Variants in SGSM1 observed in about 807,000 individuals in gnomAD.
SGSM1 encodes the protein small G protein signaling modulator 1.
A neutral mutation model predicts 133.8 loss-of-function variants in SGSM1; 73 were observed. The observed-to-expected ratio is 0.55, with a 90% CI of 0.45 to 0.66. The LOEUF (loss-of-function observed/expected upper bound fraction) is 0.66. Ranked by LOEUF, SGSM1 falls within the 30% of genes least tolerant of loss-of-function variation. The pLI, the probability that SGSM1 is intolerant of heterozygous loss-of-function variation, is 0.00. For missense variants in SGSM1, 1,213 were observed against 1,448.1 expected (o/e 0.84, Z 2.64); for synonymous variants, 563 against 573.0 (o/e 0.98, Z 0.25).
At chr22:24,874,569 G>A in intron 12 of SGSM1, 2 of 1,601,068 alleles carry the variant, frequency 1.2e-6, no homozygotes, top group South Asian at 2.3e-5. Context: ...GCCCGAAGGA[G>A]CAGCCCCCCA....
chr22:24,905,563 G>A (rs903453036), intron 21 of SGSM1, among the ~76,000 whole-genome samples: 10 of 152,032 alleles, frequency 6.6e-5, no homozygotes, highest in African/African-American at 1.9e-4. Flanking sequence ...TGAGGCGGGC[G>A]GATCACAAGG....
intron 2 of SGSM1, among the ~76,000 whole-genome samples, chr22:24,841,035 A>G (rs534174932): frequency 7.9e-5 from 12 of 152,086 alleles, no homozygotes; most frequent in East Asian, 5.8e-4. Flanking sequence ...TATTTTTAGT[A>G]GAGACGGGGT....
intron 21 of SGSM1, among the ~76,000 whole-genome samples, chr22:24,911,606 G>A (rs1230181538): frequency 1.3e-5 from 2 of 152,166 alleles, no homozygotes; most frequent in African/African-American, 4.8e-5. Context: ...CATGGTGACA[G>A]TATATACCCT....
chr22:24,867,197 C>T (rs1307804024), intron 10 of SGSM1, 37 bp downstream of exon 10: 2 of 1,596,762 alleles, frequency 1.3e-6, no homozygotes, highest in Admixed American at 3.4e-5. Context: ...CTGCGTATTC[C>T]TCTTGGATCC....
intron 13 of SGSM1, among the ~76,000 whole-genome samples, chr22:24,877,304 G>T (rs890964413): frequency 1.3e-5 from 2 of 152,164 alleles, no homozygotes; most frequent in African/African-American, 4.8e-5. Context: ...ACTTTATATG[G>T]CTGTGGTAAG....
chr22:24,899,011 A>G (rs1601970648), intron 19 of SGSM1, among the ~76,000 whole-genome samples: 2 of 127,790 alleles, frequency 1.6e-5, no homozygotes. Flanking sequence ...TGGACAACAG[A>G]GCAAGATCTC....
Position 24,868,473 on chromosome 22 carries a change from G to C in SGSM1, c.1092G>C (p.Ser364=), listed in dbSNP as rs758101180. The C allele has an allele frequency of 1.9e-6, 3 of 1,613,756 alleles. No homozygotes were observed. The highest frequency in any genetic ancestry group is 2.5e-6 in the Non-Finnish European group (3 of 1,179,854). Residue 364 remains serine, a synonymous_variant, in exon 11 of 25, where the codon TCG becomes TCC. Transcript: ENST00000400358. ...GCGGGCACCTCCTGCAGTTCCTCTCGTGCCTGGAGAATGGGCTGCTCCCAC... is the reference window on the plus strand; with the variant it reads ...GCGGGCACCTCCTGCAGTTCCTCTCCTGCCTGGAGAATGGGCTGCTCCCAC... The part of the protein sequence containing the change: ...PKGGHLLQFL[S]CLENGLLPHG...
At chr22:24,848,114 T>G (rs1331788384) in intron 4 of SGSM1, among the ~76,000 whole-genome samples, 1 of 151,974 alleles carries the variant, frequency 6.6e-6, no homozygotes, top group Non-Finnish European at 1.5e-5. Context: ...GTTGGCCATC[T>G]ATAGTTATTC....
intron 22 of SGSM1, among the ~76,000 whole-genome samples, chr22:24,913,896 C>T (rs556238650): frequency 1.4e-4 from 21 of 152,090 alleles, no homozygotes; most frequent in African/African-American, 5.1e-4. Flanking sequence ...GTGGCTCATG[C>T]CTGTAATCCC....
At chr22:24,844,524 C>T (rs1313964449) in intron 2 of SGSM1, 8 of 150,510 alleles carry the variant, frequency 5.3e-5, no homozygotes, top group African/African-American at 1.0e-4. Context: ...GAAACTCCGT[C>T]TAAAAAAAAA....
Position 24,855,371 on chromosome 22 carries a change from C to T in SGSM1, c.610C>T (p.His204Tyr). Residue 204 changes from histidine (H) to tyrosine (Y), a missense_variant, in exon 7 of 25, where the codon CAC becomes TAC. Physicochemically the swap from His to Tyr is moderately conservative, Grantham distance 83. Transcript: ENST00000400358. ...DPSADELVQRHRIHSSHVRQD... is the reference protein window; with the variant it reads ...DPSADELVQRYRIHSSHVRQD... ...CTCGGCTGACGAACTTGTCCAGAGG[C>T]ACCGCATCCACAGCTCCCACGTGCG... is the stretch of plus-strand genomic sequence containing the variant. 1 of 1,613,606 alleles carries T rather than the reference C, an allele frequency of 6.2e-7. No homozygotes were observed. The highest frequency in any genetic ancestry group is 8.5e-7 in the Non-Finnish European group (1 of 1,179,778).
intron 12 of SGSM1, chr22:24,874,478 C>T (rs1931925691): frequency 6.2e-7 from 1 of 1,613,680 alleles, no homozygotes; most frequent in African/African-American, 1.3e-5. Flanking sequence ...ATGATGGTTC[C>T]TGCAGGCCGG....
chr22:24,904,586 A>AAAG (rs1569173121), intron 20 of SGSM1, among the ~76,000 whole-genome samples: 1 of 150,694 alleles, frequency 6.6e-6, no homozygotes, highest in Non-Finnish European at 1.5e-5. Context: ...TCAAAAAAAA[A>AAAG]AAAAAGAAAA....
rs777269470 is a variant in SGSM1, at chr22:24,924,211, G to A, written c.3219G>A (p.Lys1073=). Residue 1073 remains lysine (K), a synonymous_variant, in exon 25 of 25, where the codon AAG becomes AAA. Coordinates refer to ENST00000400358, the MANE Select transcript of SGSM1 (RefSeq NM_001098497.3). ...FNEMAERHNT[K]QVLKLARDLV... ...AAATGGCTGAGCGACACAACACCAA[G>A]CAAGTCCTGAAGCTGGCGCGGGACC... is the stretch of plus-strand genomic sequence containing the variant. 4.3e-6 allele frequency: 7 copies of A among 1,613,960 alleles called. No homozygotes were observed. The South Asian group carries it at 5.5e-5, about 13-fold the overall frequency.
intron 2 of SGSM1, among the ~76,000 whole-genome samples, chr22:24,816,716 T>C (rs1928105591): frequency 1.3e-5 from 2 of 152,164 alleles, no homozygotes; most frequent in Admixed American, 6.5e-5. Flanking sequence ...GAAGTTCAGG[T>C]GCACCTATAT....
chr22:24,867,243 C>T, intron 10 of SGSM1, 83 bp downstream of exon 10: 1 of 1,346,834 alleles, frequency 7.4e-7, no homozygotes, highest in Middle Eastern at 1.8e-4. Flanking sequence ...TCATTAGCAT[C>T]ATGAGCGAAT....
Position 24,924,589 on chromosome 22 carries a change from C to T in SGSM1, c.*315C>T. 1.3e-5 allele frequency: 5 copies of T among 394,986 alleles called. No homozygotes were observed. Among genetic ancestry groups the T allele is most frequent in the Non-Finnish European group, 2.3e-5 (5 of 212,848 alleles). The allele number at this position is 394,986 out of a possible 1,614,324, so 24.5% of individuals were successfully genotyped here. On this transcript the variant is annotated 3_prime_UTR_variant, in exon 25 of 25. Transcript: ENST00000400358. ...GTTTGCTGGTGCCCGGAATGGTCTC[C>T]TCTTCTTCTTTCCCTATCCCTCCAA...
chr22:24,918,650 C>T (rs2123746994), intron 23 of SGSM1, among the ~76,000 whole-genome samples: 1 of 152,236 alleles, frequency 6.6e-6, no homozygotes, highest in African/African-American at 2.4e-5. Context: ...AGTAACTACC[C>T]CAGGCTCCCC....
At chr22:24,845,989 C>CTTTCTTTA (rs1930115297) in intron 3 of SGSM1, among the ~76,000 whole-genome samples, 1 of 134,572 alleles carries the variant, frequency 7.4e-6, no homozygotes, top group Non-Finnish European at 1.6e-5. Flanking sequence ...TTCTTTCTTT[C>CTTTCTTTA]TTTCTTTCTT....
Sources: gnomAD v4.1 joint callset for allele counts (sites outside exome capture counted in the v4.1 genomes callset) on GRCh38, gnomAD v4.1.1 for gene constraint, MANE v1.5 for transcripts, NCBI Gene and HGNC (gene_info 2026-07-23, HGNC 2026-07-21) for gene names.